The following WASF3 variants were observed in gnomAD, a reference collection of about 807,000 sequenced individuals.
The protein encoded by WASF3 is actin-binding protein WASF3.
WASF3 carries 11 observed loss-of-function variants against 46.6 expected under a neutral mutation model. The ratio of observed to expected loss-of-function variants is 0.24; its 90% confidence interval spans 0.15 to 0.39. WASF3 has a LOEUF of 0.39. WASF3 is among the 10% of genes least tolerant of loss of function. The probability of loss-of-function intolerance (pLI) is 1.00; values close to 1 mark genes in which losing one functional copy is unlikely to be tolerated. For synonymous variants in WASF3, 242 were observed against 259.7 expected (o/e 0.93, Z 0.65); for missense variants, 576 against 669.8 (o/e 0.86, Z 1.55).
chr13:26,582,021 T>C (rs1386113583), intron 1 of WASF3, among the ~76,000 whole-genome samples: 1 of 152,198 alleles, frequency 6.6e-6, no homozygotes, highest in Admixed American at 6.5e-5. Context: ...TTGAACCAAA[T>C]TTATGGTTCA....
intron 9 of WASF3, among the ~76,000 whole-genome samples, chr13:26,683,633 C>A (rs1883312060): frequency 6.7e-6 from 1 of 149,282 alleles, no homozygotes; most frequent in African/African-American, 2.5e-5. Flanking sequence ...TTAATGATTT[C>A]TTTAAAAAAA....
rs1883166654 is a variant in WASF3 at position 26,679,641 on chromosome 13, A to G, written c.717-1413A>G. ...TGACTCGTAGTCATGCGCAGAGTCAAGCACACATCATCAGTGTCTCCAAGG... is the reference window on the plus strand; with the variant it reads ...TGACTCGTAGTCATGCGCAGAGTCAGGCACACATCATCAGTGTCTCCAAGG... On this transcript the variant is annotated intron_variant, in intron 7 of 9. Coordinates refer to ENST00000335327, the MANE Select transcript of WASF3 (RefSeq NM_006646.6). This position sits in a 1 kb window ranked among gnomAD's most constrained non-coding sequence, Gnocchi z 4.8. Among the ~76,000 whole-genome samples the G allele has an allele frequency of 6.6e-6, 1 of 152,230 alleles. No homozygotes were observed. The highest frequency in any genetic ancestry group is 1.5e-5 in the Non-Finnish European group (1 of 68,042).
chr13:26,645,302 G>A (rs375419880), intron 3 of WASF3, among the ~76,000 whole-genome samples: 1 of 152,080 alleles, frequency 6.6e-6, no homozygotes, highest in African/African-American at 2.4e-5. Context: ...AGAAGAGAGA[G>A]CAACCCTCAC....
At position 26,682,550 on chromosome 13, in the gene WASF3, C is replaced by G. The variant is rs188301284; in HGVS notation, c.984-57C>G. On this transcript the variant is annotated intron_variant, in intron 8 of 9. Coordinates refer to ENST00000335327, the MANE Select transcript of WASF3 (RefSeq NM_006646.6). This position sits in a 1 kb window ranked among gnomAD's most constrained non-coding sequence, Gnocchi z 4.4. ...GGCTCCGTTAGGTGTCTAAGAGCTC[C>G]CAGGACGTGACCCTCTCTTGTTCCC... 1 of 1,609,202 alleles carries G rather than the reference C, an allele frequency of 6.2e-7. No individual in the cohort carries two copies. The highest frequency in any genetic ancestry group is 2.2e-5 in the East Asian group (1 of 44,840).
intron 2 of WASF3, chr13:26,620,477 A>T (rs1881272776): frequency 6.6e-6 from 1 of 152,218 alleles, no homozygotes; most frequent in Non-Finnish European, 1.5e-5. Flanking sequence ...TTAAATGAAC[A>T]TAACACAGAG....
upstream of WASF3, among the ~76,000 whole-genome samples, chr13:26,553,408 C>T (rs531847517): frequency 1.1e-4 from 17 of 151,962 alleles, no homozygotes; most frequent in Admixed American, 7.9e-4. Context: ...AGGCTATGCA[C>T]GGCTCTGCTT....
chr13:26,558,202 A>G lies in WASF3; in HGVS notation c.-109+383A>G, dbSNP rs1393843185. 3.3e-5 allele frequency among the ~76,000 whole-genome samples: 5 copies of G among 151,414 alleles called. No individual in the cohort carries two copies. In the East Asian group the frequency reaches 9.8e-4, roughly 30 times the overall value. On this transcript the variant is annotated intron_variant, in intron 1 of 9. Transcript: ENST00000335327. ...CCGGGCCTCCGCTCGCGCCCCACGC[A>G]CGACGCCCCGGGCCGCTCCGCGTCC...
At chr13:26,571,913 A>G (rs1283452364) in intron 1 of WASF3, among the ~76,000 whole-genome samples, 3 of 152,160 alleles carry the variant, frequency 2.0e-5, no homozygotes, top group Non-Finnish European at 4.4e-5. Flanking sequence ...TTCTTTGTAT[A>G]GGTTTTGAAC....
chr13:26,605,985 G>A (rs1880783492), intron 1 of WASF3, among the ~76,000 whole-genome samples: 1 of 152,132 alleles, frequency 6.6e-6, no homozygotes, highest in Non-Finnish European at 1.5e-5. Context: ...ATTCCTTTCT[G>A]TGTGAAACCC....
At chr13:26,577,196 T>TA (rs1444523275) in intron 1 of WASF3, 1 of 745,622 alleles carries the variant, frequency 1.3e-6, no homozygotes, top group South Asian at 1.4e-5. Flanking sequence ...GCATGGATCT[T>TA]ACCTGTGACA....
chr13:26,579,190 T>TG (rs1566040658), intron 1 of WASF3, among the ~76,000 whole-genome samples: 2 of 150,666 alleles, frequency 1.3e-5, no homozygotes, highest in Non-Finnish European at 3.0e-5. Context: ...TTTTTAAAGA[T>TG]GGGGTCTCAC....
chr13:26,668,176 A>C lies in WASF3; in HGVS notation c.422+506A>C, dbSNP rs571419385. On this transcript the variant is annotated intron_variant, in intron 5 of 9. Transcript: ENST00000335327. The stretch of plus-strand genomic sequence containing the variant: ...CCTTCTGTTACTGGAAAATGGTAGG[A>C]CACGTTATCAGGACGAGACTTCCAA... Among the ~76,000 whole-genome samples the C allele has an allele frequency of 5.3e-5, 8 of 152,356 alleles. No individual in the cohort carries two copies. In the South Asian group the frequency reaches 1.4e-3, roughly 28 times the overall value.
chr13:26,581,557 A>G (rs1288351701), intron 1 of WASF3, among the ~76,000 whole-genome samples: 1 of 152,076 alleles, frequency 6.6e-6, no homozygotes, highest in African/African-American at 2.4e-5. Flanking sequence ...TTTTGTTCCA[A>G]TCAGAGCAAC....
intron 1 of WASF3, among the ~76,000 whole-genome samples, chr13:26,559,305 C>T (rs981767720): frequency 6.6e-6 from 1 of 152,270 alleles, no homozygotes; most frequent in Non-Finnish European, 1.5e-5. Context: ...ATTTACCTTC[C>T]AACCTGTGCT....
chr13:26,626,805 A>G (rs1593156201), intron 2 of WASF3, among the ~76,000 whole-genome samples: 4 of 152,316 alleles, frequency 2.6e-5, no homozygotes, highest in East Asian at 1.9e-4. Context: ...CATTTCCCCA[A>G]GAAGACTTAA....
At chr13:26,558,264 G>T (rs1273841225) in intron 1 of WASF3, among the ~76,000 whole-genome samples, 1 of 152,100 alleles carries the variant, frequency 6.6e-6, no homozygotes, top group Non-Finnish European at 1.5e-5. Flanking sequence ...GCGCGCCCTC[G>T]CTGGTTCTGG....
intron 1 of WASF3, among the ~76,000 whole-genome samples, chr13:26,595,389 C>T (rs1330474397): frequency 1.3e-5 from 2 of 152,136 alleles, no homozygotes; most frequent in African/African-American, 4.8e-5. Flanking sequence ...AAAAGAAGTT[C>T]ACAGTTCCAT....
Position 26,557,834 on chromosome 13 carries a change from C to T in WASF3, c.-109+15C>T, listed in dbSNP as rs116923630. The T allele has an allele frequency of 0.17, 51,148 of 302,780 alleles. 4,704 individuals carry two copies. Among genetic ancestry groups the T allele is most frequent in the Admixed American group, 0.22 (4,206 of 19,468 alleles). The allele number at this position is 302,780 out of a possible 1,614,324, so 18.8% of individuals were successfully genotyped here. A position where few individuals can be genotyped will look rare whatever the true frequency, so the allele number is the denominator to read the frequency against. On this transcript the variant is annotated intron_variant, in intron 1 of 9. Transcript: ENST00000335327. ...ACCGCGGACCGGTGAGTGAGGGCTGCGGTCGCCCCGGCTCTCCGCTGTAGG... is the reference window on the plus strand; with the variant it reads ...ACCGCGGACCGGTGAGTGAGGGCTGTGGTCGCCCCGGCTCTCCGCTGTAGG...
intron 2 of WASF3, among the ~76,000 whole-genome samples, chr13:26,627,851 C>T (rs1294344497): frequency 6.8e-6 from 1 of 147,062 alleles, no homozygotes; most frequent in Non-Finnish European, 1.5e-5. Flanking sequence ...CTAACCTGCA[C>T]AATGTGCACA....
Sources: allele counts gnomAD v4.1 joint callset (sites outside exome capture counted in the v4.1 genomes callset), GRCh38; gene constraint gnomAD v4.1.1; non-coding constraint Gnocchi (gnomAD v3.1); transcripts MANE v1.5; gene names NCBI Gene and HGNC (gene_info 2026-07-23, HGNC 2026-07-21).